Variants in NBEA observed in about 807,000 individuals in gnomAD.
The protein encoded by NBEA is lysosomal-trafficking regulator 2.
In NBEA, 44 loss-of-function variants were observed where a neutral mutation model predicts 343.4. The observed-to-expected ratio is 0.13, with a 90% CI of 0.10 to 0.16. The LOEUF is 0.16. Among genes scored for constraint, NBEA ranks in the 10% least tolerant of loss-of-function variants. The pLI is 1.00. For synonymous variants in NBEA, 1,175 were observed against 1,238.7 expected (o/e 0.95, Z 1.08); for missense variants, 2,555 against 3,631.3 (o/e 0.70, Z 7.62).
chr13:35,626,822 G>A (rs1019369025), intron 48 of NBEA, among the ~76,000 whole-genome samples: 1 of 152,060 alleles, frequency 6.6e-6, no homozygotes, highest in Non-Finnish European at 1.5e-5. Flanking sequence ...TTTCAAGATC[G>A]ATGAGATAGA....
At chr13:35,413,603 G>A (rs1420548492) in intron 38 of NBEA, among the ~76,000 whole-genome samples, 1 of 152,058 alleles carries the variant, frequency 6.6e-6, no homozygotes, top group Non-Finnish European at 1.5e-5. Flanking sequence ...AGGAAACTAT[G>A]AGTACCTAAA....
intron 48 of NBEA, among the ~76,000 whole-genome samples, chr13:35,612,245 G>A (rs1253114436): frequency 6.6e-6 from 1 of 151,778 alleles, no homozygotes; most frequent in African/African-American, 2.4e-5. Flanking sequence ...CCATTCTCCT[G>A]CCACAGCCTC....
chr13:35,022,616 A>G (rs777539101), intron 1 of NBEA, among the ~76,000 whole-genome samples: 27 of 152,234 alleles, frequency 1.8e-4, no homozygotes, highest in Admixed American at 1.2e-3. Flanking sequence ...ATGGGGGCAG[A>G]TCTTAAAGGT....
At chr13:35,342,419 A>G (rs1164258346) in intron 36 of NBEA, among the ~76,000 whole-genome samples, 1 of 152,096 alleles carries the variant, frequency 6.6e-6, no homozygotes, top group Admixed American at 6.6e-5. Flanking sequence ...AGCGATAACC[A>G]TAATTTTAGA....
Position 35,160,112 on chromosome 13 carries a change from A to G in NBEA, c.3861+80A>G. On this transcript the variant is annotated intron_variant, in intron 22 of 58. Coordinates refer to ENST00000379939, the MANE Select transcript of NBEA (RefSeq NM_001385012.1). ...TAGCACCAAAACAGAGTAATTTCTT[A>G]TCAGTTACTTCATGTTTATATTGAA... 2.4e-6 allele frequency: 3 copies of G among 1,249,936 alleles called. No homozygotes were observed. In the South Asian group the frequency reaches 4.9e-5, roughly 20 times the overall value. 77.4% of individuals were successfully genotyped at this position (1,249,936 alleles called of 1,614,324 possible).
intron 44 of NBEA, among the ~76,000 whole-genome samples, chr13:35,559,434 C>G (rs1377284508): frequency 2.0e-5 from 3 of 152,058 alleles, no homozygotes; most frequent in Admixed American, 6.5e-5. Context: ...TTGATTGAAA[C>G]TTAAGATTTA....
chr13:35,428,483 T>C (rs1446656880), intron 38 of NBEA, among the ~76,000 whole-genome samples: 2 of 152,224 alleles, frequency 1.3e-5, no homozygotes, highest in Non-Finnish European at 2.9e-5. Context: ...CTCCCTCTGT[T>C]CCTTCTGTTC....
intron 1 of NBEA, among the ~76,000 whole-genome samples, chr13:34,974,761 T>C (rs1191334738): frequency 6.6e-6 from 1 of 152,206 alleles, no homozygotes; most frequent in East Asian, 1.9e-4. Flanking sequence ...GTTGCTAGTA[T>C]CATTTTTAAA....
At chr13:35,480,785 C>G (rs866847691) in intron 41 of NBEA, among the ~76,000 whole-genome samples, 1 of 151,644 alleles carries the variant, frequency 6.6e-6, no homozygotes, top group African/African-American at 2.4e-5. Context: ...GCAGGGTTTT[C>G]TTTATGTGTC....
At chr13:34,968,154 T>A (rs1393894374) in intron 1 of NBEA, among the ~76,000 whole-genome samples, 1 of 152,134 alleles carries the variant, frequency 6.6e-6, no homozygotes, top group Non-Finnish European at 1.5e-5. Context: ...AGGAAGGCAC[T>A]GAGAGGGAGT....
intron 2 of NBEA, among the ~76,000 whole-genome samples, chr13:35,043,852 T>C (rs1374394377): frequency 2.6e-5 from 4 of 151,986 alleles, no homozygotes; most frequent in Non-Finnish European, 4.4e-5. Context: ...GTACTAAGTA[T>C]TTCAGCTTAC....
At chr13:35,454,039 A>G (rs2046437565) in intron 40 of NBEA, among the ~76,000 whole-genome samples, 2 of 152,270 alleles carry the variant, frequency 1.3e-5, no homozygotes, top group Admixed American at 6.5e-5. Flanking sequence ...TCCATAATAT[A>G]CCTGGTCCTA....
At chr13:35,494,902 G>A (rs2076623221) in intron 41 of NBEA, among the ~76,000 whole-genome samples, 2 of 151,628 alleles carry the variant, frequency 1.3e-5, no homozygotes, top group Admixed American at 6.6e-5. Context: ...CCCAGATACT[G>A]AGGAGGCTTA....
intron 13 of NBEA, 76 bp downstream of exon 13, chr13:35,111,054 T>G: frequency 8.6e-7 from 1 of 1,164,932 alleles, no homozygotes; most frequent in Non-Finnish European, 1.2e-6. Flanking sequence ...AAGTGAGCAG[T>G]GTACATGACT....
rs116634031 is a variant in NBEA at position 35,487,674 on chromosome 13, A to C, written c.6585+15138A>C. On this transcript the variant is annotated intron_variant, in intron 41 of 58. Transcript: ENST00000379939. ...TCTAGTGGTTAGAACGCTCTTCCTA[A>C]TATTGAACCAAAATATTTCCCCTTG... Among the ~76,000 whole-genome samples the C allele has an allele frequency of 7.5e-3, 1,134 of 152,062 alleles. 20 individuals carry two copies. Among genetic ancestry groups the C allele is most frequent in the African/African-American group, 0.026 (1,100 of 41,524 alleles).
intron 34 of NBEA, among the ~76,000 whole-genome samples, chr13:35,265,815 G>A (rs75637421): frequency 2.0e-5 from 3 of 151,890 alleles, no homozygotes; most frequent in East Asian, 1.9e-4. Context: ...ATTTTTGGAT[G>A]TGACTCTAAA....
intron 28 of NBEA, 50 bp downstream of exon 28, chr13:35,177,153 C>T (rs1427932838): frequency 2.3e-5 from 31 of 1,353,048 alleles, no homozygotes; most frequent in Admixed American, 6.0e-5. Context: ...TACTGTCATT[C>T]GTATGAAATA....
At chr13:35,064,563 A>T (rs1430886741) in intron 8 of NBEA, among the ~76,000 whole-genome samples, 1 of 152,020 alleles carries the variant, frequency 6.6e-6, no homozygotes, top group African/African-American at 2.4e-5. Context: ...TGCCATTTTT[A>T]AAATAGTTGA....
At chr13:35,189,854 A>G (rs1024262741) in intron 30 of NBEA, among the ~76,000 whole-genome samples, 1 of 152,134 alleles carries the variant, frequency 6.6e-6, no homozygotes, top group African/African-American at 2.4e-5. Context: ...GAGGTTTACA[A>G]CAACCCAGAG....
Sources: gnomAD v4.1 joint callset for allele counts (sites outside exome capture counted in the v4.1 genomes callset) on GRCh38, gnomAD v4.1.1 for gene constraint, MANE v1.5 for transcripts, NCBI Gene and HGNC (gene_info 2026-07-23, HGNC 2026-07-21) for gene names.